Variants in RAP1GAP2 observed in about 807,000 individuals in gnomAD.
RAP1GAP2 encodes the protein rap1 GTPase-activating protein 2.
In RAP1GAP2, 27 loss-of-function variants were observed where a neutral mutation model predicts 95.0. That is an observed-to-expected ratio of 0.28 (90% CI 0.21 to 0.39). RAP1GAP2 has a LOEUF of 0.39. RAP1GAP2 is among the 10% of genes least tolerant of loss of function. The pLI is 1.00. For missense variants in RAP1GAP2, 771 were observed against 970.0 expected (o/e 0.79, Z 2.72); for synonymous variants, 373 against 380.9 (o/e 0.98, Z 0.24).
chr17:2,802,635 T>C (rs978650697), intron 2 of RAP1GAP2, among the ~76,000 whole-genome samples: 17 of 152,034 alleles, frequency 1.1e-4, no homozygotes, highest in Admixed American at 7.2e-4. Flanking sequence ...TGCTTGAACC[T>C]GGGAGGTGGA....
chr17:2,984,093 G>A (rs559264239), intron 10 of RAP1GAP2, among the ~76,000 whole-genome samples: 3 of 152,248 alleles, frequency 2.0e-5, no homozygotes, highest in Admixed American at 6.5e-5. Context: ...GCTCATGCCT[G>A]TAACCTCAGC....
upstream of RAP1GAP2, among the ~76,000 whole-genome samples, chr17:2,791,915 A>C (rs2068936259): frequency 6.9e-6 from 1 of 145,066 alleles, no homozygotes; most frequent in Non-Finnish European, 1.5e-5. Flanking sequence ...GCTGGAGTGC[A>C]ATGTCACGGT....
chr17:2,879,624 G>A (rs1377809875), intron 2 of RAP1GAP2, among the ~76,000 whole-genome samples: 1 of 151,812 alleles, frequency 6.6e-6, no homozygotes, highest in Non-Finnish European at 1.5e-5. Context: ...TACTCAGGAG[G>A]CTGAGACAGG....
intron 2 of RAP1GAP2, among the ~76,000 whole-genome samples, chr17:2,845,447 T>C (rs2071542843): frequency 6.6e-6 from 1 of 152,214 alleles, no homozygotes. Flanking sequence ...ATCTTCATTA[T>C]ACATTTTGGA....
At chr17:2,810,518 C>A (rs972075945) in intron 2 of RAP1GAP2, among the ~76,000 whole-genome samples, 29 of 141,812 alleles carry the variant, frequency 2.0e-4, no homozygotes, top group African/African-American at 6.5e-4. Flanking sequence ...CCTGTCCCCC[C>A]ACCCTTTTTT....
intron 2 of RAP1GAP2, among the ~76,000 whole-genome samples, chr17:2,884,372 G>GT (rs72123618): frequency 0.014 from 1,684 of 123,690 alleles, 38 homozygotes; most frequent in African/African-American, 0.041. Flanking sequence ...TTCTTGAGTT[G>GT]TTTTTTTTTT....
At chr17:2,969,179 C>CTATCTATCTATCTATCTATA (rs1555581850) in intron 8 of RAP1GAP2, among the ~76,000 whole-genome samples, 21 of 143,222 alleles carry the variant, frequency 1.5e-4, no homozygotes, top group South Asian at 1.1e-3. Flanking sequence ...ATCTATCTAT[C>CTATCTATCTATCTATCTATA]TATATATATA....
At chr17:2,774,273 G>C (rs1224836835), upstream of RAP1GAP2, among the ~76,000 whole-genome samples, 1 of 152,124 alleles carries the variant, frequency 6.6e-6, no homozygotes, top group African/African-American at 2.4e-5. Context: ...AGTGAGGGAA[G>C]AGAAGGTCCT....
At chr17:2,893,722 A>C (rs2073795509) in intron 2 of RAP1GAP2, among the ~76,000 whole-genome samples, 1 of 152,132 alleles carries the variant, frequency 6.6e-6, no homozygotes, top group Non-Finnish European at 1.5e-5. Context: ...CCCCCCATGG[A>C]GGCCAGGCAG....
intron 1 of RAP1GAP2, among the ~76,000 whole-genome samples, chr17:2,798,301 GC>G (rs2069151124): frequency 6.6e-6 from 1 of 152,170 alleles, no homozygotes; most frequent in Non-Finnish European, 1.5e-5. Flanking sequence ...GGCAGGCCCT[GC>G]CCCGTCGCGT....
intron 2 of RAP1GAP2, among the ~76,000 whole-genome samples, chr17:2,810,032 G>A (rs1045305134): frequency 5.2e-5 from 4 of 77,280 alleles, no homozygotes; most frequent in Non-Finnish European, 8.3e-5. Flanking sequence ...CCCTCCCCCC[G>A]CCCCACCCCA....
At position 2,963,358 on chromosome 17, in the gene RAP1GAP2, A is replaced by T; in HGVS notation, c.247-72A>T. ...CCCCACAACATATCCCCCTTGCAAG[A>T]CCTGGAAACAGTGGTCAGACTTTAC... On this transcript the variant is annotated intron_variant, in intron 5 of 24. Coordinates refer to ENST00000254695, the MANE Select transcript of RAP1GAP2 (RefSeq NM_015085.5). The surrounding 1 kb of genome is among the most constrained non-coding windows in gnomAD (Gnocchi z 4.8). 2.0e-6 allele frequency: 3 copies of T among 1,485,012 alleles called. No individual in the cohort carries two copies. Among genetic ancestry groups the T allele is most frequent in the African/African-American group, 1.4e-5 (1 of 72,016 alleles). The allele number at this position is 1,485,012 out of a possible 1,614,324, so 92.0% of individuals were successfully genotyped here.
intron 2 of RAP1GAP2, among the ~76,000 whole-genome samples, chr17:2,824,740 C>CA (rs940171590): frequency 0.073 from 4,039 of 55,500 alleles, 198 homozygotes; most frequent in African/African-American, 0.16. Context: ...AACTCTGTCT[C>CA]AAAAAAAAAA....
intron 7 of RAP1GAP2, chr17:2,964,902 A>C (rs1206553421): frequency 6.6e-6 from 1 of 152,602 alleles, no homozygotes; most frequent in Non-Finnish European, 1.5e-5. Flanking sequence ...GCAGAGTCTC[A>C]CGTGACGGGA....
chr17:2,802,930 T>G (rs1261589536), intron 2 of RAP1GAP2, among the ~76,000 whole-genome samples: 1 of 152,206 alleles, frequency 6.6e-6, no homozygotes, highest in Non-Finnish European at 1.5e-5. Flanking sequence ...GGCTTTAGTT[T>G]CCATATCTTT....
intron 12 of RAP1GAP2, 60 bp from the exon 13 acceptor site, chr17:2,995,277 A>C: frequency 6.4e-7 from 1 of 1,557,164 alleles, no homozygotes; most frequent in Non-Finnish European, 8.8e-7. Context: ...AGCTTGCATT[A>C]AGTTGCCCAC....
chr17:2,828,655 G>A (rs1452066185), intron 2 of RAP1GAP2, among the ~76,000 whole-genome samples: 1 of 152,170 alleles, frequency 6.6e-6, no homozygotes, highest in Non-Finnish European at 1.5e-5. Context: ...TGGGAGAGCA[G>A]GTGGGGCCGC....
chr17:2,897,696 G>A (rs1387732182), intron 2 of RAP1GAP2, among the ~76,000 whole-genome samples: 1 of 151,872 alleles, frequency 6.6e-6, no homozygotes, highest in Admixed American at 6.6e-5. Context: ...CACAAGCCTG[G>A]GCCGAGGTGA....
At chr17:2,841,557 C>G (rs1204707988) in intron 2 of RAP1GAP2, among the ~76,000 whole-genome samples, 1 of 151,994 alleles carries the variant, frequency 6.6e-6, no homozygotes, top group Middle Eastern at 3.2e-3. Flanking sequence ...CTGCCTGCCT[C>G]GGCCTCGGAA....
Sources: allele counts gnomAD v4.1 joint callset (sites outside exome capture counted in the v4.1 genomes callset), GRCh38; gene constraint gnomAD v4.1.1; non-coding constraint Gnocchi (gnomAD v3.1); transcripts MANE v1.5; gene names NCBI Gene and HGNC (gene_info 2026-07-23, HGNC 2026-07-21).